Variants in SNRPB2 observed in about 807,000 individuals in gnomAD.
The protein encoded by SNRPB2 is U2 small nuclear ribonucleoprotein B''.
A neutral mutation model predicts 26.3 loss-of-function variants in SNRPB2; 16 were observed. That is an observed-to-expected ratio of 0.61 (90% confidence interval 0.41 to 0.92). The LOEUF (loss-of-function observed/expected upper bound fraction) is 0.92. Among genes scored for constraint, SNRPB2 ranks in the 40% least tolerant of loss-of-function variants. SNRPB2 has a pLI of 0.00. For missense variants in SNRPB2, 179 were observed against 268.1 expected (o/e 0.67, Z 2.32); for synonymous variants, 75 against 89.0 (o/e 0.84, Z 0.88).
chr20:16,730,859 C>T (rs149733393), intron 1 of SNRPB2: 56 of 152,338 alleles, frequency 3.7e-4, no homozygotes, highest in African/African-American at 1.3e-3. Flanking sequence ...AATTTCCAGG[C>T]CTGATGCTTA....
chr20:16,731,851 T>TA lies in SNRPB2; in HGVS notation c.64+86dup, dbSNP rs2122497028. The TA allele has an allele frequency of 6.4e-6, 10 of 1,574,160 alleles. 1 individual carries two copies. In the South Asian group the frequency reaches 1.1e-4, roughly 17 times the overall value. ...AAAATTGTACTGCCTCAAAACCTCT[T>TA]ACCTCATCATCTTAGTGCCTGAAAT... is the stretch of plus-strand genomic sequence containing the variant. On this transcript the variant is annotated intron_variant, in intron 2 of 6. Transcript: ENST00000246071.
chr20:16,731,572 CA>C (rs2072391077), intron 1 of SNRPB2, 95 bp from the exon 2 acceptor site: 1 of 1,258,342 alleles, frequency 7.9e-7, no homozygotes, highest in Non-Finnish European at 1.1e-6. Flanking sequence ...CATTTTCTGA[CA>C]ACTGGGATTG....
chr20:16,738,443 C>CAA (rs11292422), intron 4 of SNRPB2, among the ~76,000 whole-genome samples: 13 of 78,964 alleles, frequency 1.6e-4, no homozygotes, highest in African/African-American at 3.0e-4. Context: ...GACTCCATCT[C>CAA]AAAAAAAAAA....
Position 16,738,891 on chromosome 20 carries a change from C to A in SNRPB2, c.418C>A (p.Pro140Thr). ...AGCTAATACCCAAGGAAATTCAACA[C>A]CAAATCCTCAGGTAATTTTTTTTCC... ...NSANTQGNSTPNPQVPDYPPN... is the reference protein window; with the variant it reads ...NSANTQGNSTTNPQVPDYPPN... The change falls in exon 5 of 7, where the codon CCA (proline) becomes ACA (threonine). Residue 140 changes from proline (P) to threonine (T), a missense_variant. This residue lies in a region of SNRPB2 where 145 missense variants were observed against 180.7 expected (regional missense o/e 0.80). Coordinates refer to ENST00000246071, the MANE Select transcript of SNRPB2 (RefSeq NM_003092.5). The A allele has an allele frequency of 6.2e-7, 1 of 1,604,224 alleles. No individual in the cohort carries two copies. Among genetic ancestry groups the A allele is most frequent in the Non-Finnish European group, 8.5e-7 (1 of 1,171,256 alleles).
chr20:16,733,642 A>G (rs1416900865), intron 3 of SNRPB2, among the ~76,000 whole-genome samples: 1 of 152,234 alleles, frequency 6.6e-6, no homozygotes, highest in Non-Finnish European at 1.5e-5. Flanking sequence ...TGTTGCAACT[A>G]CTACTCAACT....
At chr20:16,740,511 C>A in intron 6 of SNRPB2, 98 bp downstream of exon 6, 1 of 1,515,642 alleles carries the variant, frequency 6.6e-7, no homozygotes, top group East Asian at 2.3e-5. Flanking sequence ...GCAGTAATTC[C>A]TTACAGGTTC....
chr20:16,737,953 A>G (rs1233981628), intron 4 of SNRPB2, among the ~76,000 whole-genome samples: 3 of 150,308 alleles, frequency 2.0e-5, no homozygotes, highest in African/African-American at 7.3e-5. Flanking sequence ...GCAGGAGAAT[A>G]GCATGAACCT....
At chr20:16,732,083 C>A in intron 2 of SNRPB2, 81 bp from the exon 3 acceptor site, 1 of 784,402 alleles carries the variant, frequency 1.3e-6, no homozygotes, top group East Asian at 2.7e-5. Context: ...GTGGGGGGGG[C>A]AACTCAATGC....
rs1282435458 is a variant in SNRPB2 at position 16,741,301 on chromosome 20, T to G, written c.*296T>G. The G allele has an allele frequency of 1.0e-5, 2 of 197,910 alleles. No individual in the cohort carries two copies. The highest frequency in any genetic ancestry group is 4.6e-5 in the African/African-American group (2 of 43,132). 12.3% of individuals were successfully genotyped at this position (197,910 alleles called of 1,614,324 possible). A position where few individuals can be genotyped will look rare whatever the true frequency, so the allele number is the denominator to read the frequency against. On this transcript the variant is annotated 3_prime_UTR_variant, in exon 7 of 7. Transcript: ENST00000246071. The stretch of plus-strand genomic sequence containing the variant: ...AACACACTTAAGGTTTATAAACTTG[T>G]GTAATAGGATGCTTTTCTAGTGTTA...
intron 3 of SNRPB2, among the ~76,000 whole-genome samples, chr20:16,736,679 A>G (rs2072428295): frequency 6.6e-6 from 1 of 152,088 alleles, no homozygotes; most frequent in Non-Finnish European, 1.5e-5. Context: ...AGCTCCCTCA[A>G]ATTGCATCCC....
chr20:16,732,612 C>A (rs2072400200), intron 3 of SNRPB2: 1 of 255,448 alleles, frequency 3.9e-6, no homozygotes, highest in Non-Finnish European at 7.3e-6. Context: ...TTAATAATAT[C>A]CTGGAAGACT....
intron 5 of SNRPB2, among the ~76,000 whole-genome samples, chr20:16,739,953 G>A (rs914440646): frequency 2.7e-5 from 4 of 150,558 alleles, no homozygotes; most frequent in African/African-American, 9.8e-5. Context: ...CAGTACAGAG[G>A]AATTGAGTAT....
chr20:16,733,053 A>C (rs2072403440), intron 3 of SNRPB2, among the ~76,000 whole-genome samples: 1 of 152,172 alleles, frequency 6.6e-6, no homozygotes, highest in Non-Finnish European at 1.5e-5. Context: ...GTGGATTCCA[A>C]ACTGCTTTTT....
At chr20:16,734,227 ATTTTGGGAGGTCTATTC>A (rs1451332985) in intron 3 of SNRPB2, among the ~76,000 whole-genome samples, 3 of 152,174 alleles carry the variant, frequency 2.0e-5, no homozygotes, top group African/African-American at 4.8e-5. Context: ...ATATTGAAGC[ATTTTGGGAGGTCTATTC>A]TTTTCCTACA....
rs926940932 is a variant in SNRPB2 at position 16,742,243 on chromosome 20, C to T, written c.*1238C>T. ...GAATTACTAGAAAATGGGCCATGTT[C>T]TTGTATATTACAGTGATGTCAATTG... is the stretch of plus-strand genomic sequence containing the variant. On this transcript the variant is annotated 3_prime_UTR_variant, in exon 7 of 7. Coordinates refer to ENST00000246071, the MANE Select transcript of SNRPB2 (RefSeq NM_003092.5). 1 of 152,138 alleles carries T rather than the reference C, an allele frequency of 6.6e-6. No homozygotes were observed. The highest frequency in any genetic ancestry group is 1.5e-5 in the Non-Finnish European group (1 of 68,020). The allele number at this position is 152,138 out of a possible 1,614,324, so 9.4% of individuals were successfully genotyped here. A position where few individuals can be genotyped will look rare whatever the true frequency, so the allele number is the denominator to read the frequency against.
At position 16,731,655 on chromosome 20, in the gene SNRPB2, C is replaced by T. The variant is rs201783337; in HGVS notation, c.-35-13C>T. On this transcript the variant is annotated splice_polypyrimidine_tract_variant and intron_variant, in intron 1 of 6. Coordinates refer to ENST00000246071, the MANE Select transcript of SNRPB2 (RefSeq NM_003092.5). ...ACAGTCCAGTATAATTTACTCCTTC[C>T]TTTTTATAACAGATTTTTTACTGTC... 9.3e-6 allele frequency: 15 copies of T among 1,605,070 alleles called. No homozygotes were observed. The highest frequency in any genetic ancestry group is 1.9e-4 in the Middle Eastern group (1 of 5,314).
At position 16,732,350 on chromosome 20, in the gene SNRPB2, A is replaced by G. The variant is rs901136376; in HGVS notation, c.237+14A>G. 3.5e-6 allele frequency: 5 copies of G among 1,430,690 alleles called. No homozygotes were observed. The African/African-American group carries it at 5.8e-5, about 17-fold the overall frequency. The allele number at this position is 1,430,690 out of a possible 1,614,324, so 88.6% of individuals were successfully genotyped here. On this transcript the variant is annotated intron_variant, in intron 3 of 6. Coordinates refer to ENST00000246071, the MANE Select transcript of SNRPB2 (RefSeq NM_003092.5). ...GGTAAACCAATGGTAAGCCAATTCC[A>G]TTATTTCACTTTAATCAAGAAATTA...
Position 16,741,269 on chromosome 20 carries a change from A to C in SNRPB2, c.*264A>C. On this transcript the variant is annotated 3_prime_UTR_variant, in exon 7 of 7. Transcript: ENST00000246071. ...ATCTCCCTATCATCAAATGACTTCT[A>C]GTCTAGAACACACTTAAGGTTTATA... 3.7e-6 allele frequency: 1 copy of C among 267,800 alleles called. No individual in the cohort carries two copies. The highest frequency in any genetic ancestry group is 6.9e-5 in the East Asian group (1 of 14,586). 16.6% of individuals were successfully genotyped at this position (267,800 alleles called of 1,614,324 possible). A position where few individuals can be genotyped will look rare whatever the true frequency, so the allele number is the denominator to read the frequency against.
chr20:16,732,602 TTAA>T (rs1263631312), intron 3 of SNRPB2: 1 of 260,740 alleles, frequency 3.8e-6, no homozygotes, highest in Non-Finnish European at 7.2e-6. Context: ...AAGTTAGAAA[TTAA>T]TAATATCCTG....
Sources: gnomAD v4.1 joint callset for allele counts (sites outside exome capture counted in the v4.1 genomes callset) on GRCh38, gnomAD v4.1.1 for gene constraint, gnomAD v4.1.1 regional missense constraint, MANE v1.5 for transcripts, NCBI Gene and HGNC (gene_info 2026-07-23, HGNC 2026-07-21) for gene names.